LIN28B: variants seen among roughly 807,000 people sequenced by gnomAD.
LIN28B encodes the protein protein lin-28 homolog B.
LIN28B carries 5 observed loss-of-function variants against 21.9 expected under a neutral mutation model. The ratio of observed to expected loss-of-function variants is 0.23; its 90% CI spans 0.12 to 0.48. The LOEUF (loss-of-function observed/expected upper bound fraction) is 0.48, where lower values mean the gene tolerates loss of function less well. Among genes scored for constraint, LIN28B ranks in the 20% least tolerant of loss-of-function variants. The pLI is 0.98. For missense variants in LIN28B, 245 were observed against 310.5 expected (o/e 0.79, Z 1.58); for synonymous variants, 109 against 111.3 (o/e 0.98, Z 0.13).
intron 2 of LIN28B, among the ~76,000 whole-genome samples, chr6:104,967,620 A>T (rs1056958783): frequency 4.7e-5 from 7 of 149,038 alleles, no homozygotes; most frequent in Middle Eastern, 3.5e-3. Context: ...AATTTATTGA[A>T]TTTCTGTCCC....
chr6:105,045,717 CAA>C (rs1171056238), intron 3 of LIN28B: 1 of 152,190 alleles, frequency 6.6e-6, no homozygotes, highest in African/African-American at 2.4e-5. Flanking sequence ...CACACTTAGA[CAA>C]TGCTAAACCA....
chr6:105,082,073 G>A lies in LIN28B; in HGVS notation c.*3290G>A, dbSNP rs1470635166. On this transcript the variant is annotated 3_prime_UTR_variant, in exon 4 of 4. Transcript: ENST00000345080. ...AACAAGATGCATTGCCAGTCTCTTA[G>A]CCCTGTAAGCTGATCTTTTGCTACA... The A allele has an allele frequency of 6.6e-6, 1 of 152,596 alleles. No homozygotes were observed. Among genetic ancestry groups the A allele is most frequent in the Admixed American group, 6.5e-5 (1 of 15,274 alleles). 9.5% of individuals were successfully genotyped at this position (152,596 alleles called of 1,614,324 possible). A position where few individuals can be genotyped will look rare whatever the true frequency, so the allele number is the denominator to read the frequency against.
At chr6:105,030,290 C>T (rs570189781) in intron 3 of LIN28B, among the ~76,000 whole-genome samples, 1 of 152,266 alleles carries the variant, frequency 6.6e-6, no homozygotes, top group East Asian at 1.9e-4. Context: ...GGATCTTTGT[C>T]AGCTGATGGC....
chr6:105,063,041 T>C (rs1772151625), intron 3 of LIN28B, among the ~76,000 whole-genome samples: 1 of 152,176 alleles, frequency 6.6e-6, no homozygotes, highest in Admixed American at 6.5e-5. Flanking sequence ...TCCAAAAATG[T>C]TGCATGATGA....
intron 2 of LIN28B, among the ~76,000 whole-genome samples, chr6:104,946,227 A>G (rs2114546821): frequency 6.6e-6 from 1 of 152,224 alleles, no homozygotes; most frequent in East Asian, 1.9e-4. Context: ...TAATATTTTT[A>G]AACTGTAGAA....
chr6:104,992,484 T>TGTG (rs1770508091), intron 2 of LIN28B, among the ~76,000 whole-genome samples: 1 of 135,936 alleles, frequency 7.4e-6, no homozygotes, highest in African/African-American at 2.7e-5. Flanking sequence ...TAAGTTTCTG[T>TGTG]TGTGTGTGTG....
chr6:105,049,252 A>G (rs907433225), intron 3 of LIN28B, among the ~76,000 whole-genome samples: 6 of 152,194 alleles, frequency 3.9e-5, no homozygotes, highest in African/African-American at 1.2e-4. Context: ...CCTTCATTTC[A>G]TTATGTACCC....
Position 105,080,293 on chromosome 6 carries a change from G to C in LIN28B, c.*1510G>C, listed in dbSNP as rs757737464. On this transcript the variant is annotated 3_prime_UTR_variant, in exon 4 of 4. Coordinates refer to ENST00000345080, the MANE Select transcript of LIN28B (RefSeq NM_001004317.4). ...CAAGAAGGTACCAGTTAATTATAGTGCTTAATATTGGGAATAAGATTAAGC... is the reference window on the plus strand; with the variant it reads ...CAAGAAGGTACCAGTTAATTATAGTCCTTAATATTGGGAATAAGATTAAGC... 4.6e-5 allele frequency: 7 copies of C among 152,572 alleles called. No individual in the cohort carries two copies. Among genetic ancestry groups the C allele is most frequent in the Non-Finnish European group, 1.0e-4 (7 of 68,024 alleles). 9.5% of individuals were successfully genotyped at this position (152,572 alleles called of 1,614,324 possible).
chr6:104,997,983 G>A (rs928880219), intron 2 of LIN28B, among the ~76,000 whole-genome samples: 1 of 152,066 alleles, frequency 6.6e-6, no homozygotes, highest in African/African-American at 2.4e-5. Context: ...TTTCATTATT[G>A]GAAAAGCCTT....
intron 2 of LIN28B, among the ~76,000 whole-genome samples, chr6:104,965,719 T>A (rs943257596): frequency 6.6e-6 from 1 of 152,176 alleles, no homozygotes; most frequent in Non-Finnish European, 1.5e-5. Context: ...GGGTGTAAAC[T>A]GCAGCTTGGA....
chr6:105,015,692 G>A (rs1007316538), intron 2 of LIN28B, among the ~76,000 whole-genome samples: 6 of 151,966 alleles, frequency 3.9e-5, no homozygotes, highest in Non-Finnish European at 8.8e-5. Context: ...ACACATTTTT[G>A]CATTTTTAAG....
chr6:104,968,934 CT>C (rs1769918051), intron 2 of LIN28B, among the ~76,000 whole-genome samples: 1 of 152,058 alleles, frequency 6.6e-6, no homozygotes, highest in South Asian at 2.1e-4. Context: ...ATTATATCAA[CT>C]TTTCTTCCTG....
chr6:105,017,252 A>G (rs559535642), intron 2 of LIN28B, among the ~76,000 whole-genome samples: 1 of 152,206 alleles, frequency 6.6e-6, no homozygotes, highest in East Asian at 1.9e-4. Context: ...TCAGTAATGT[A>G]TAGATATTTG....
intron 3 of LIN28B, among the ~76,000 whole-genome samples, chr6:105,041,429 A>G (rs924480547): frequency 6.6e-6 from 1 of 151,826 alleles, no homozygotes; most frequent in East Asian, 1.9e-4. Flanking sequence ...ATTTATCTTC[A>G]GTCTTTATTT....
At chr6:105,002,389 G>A (rs1403332545) in intron 2 of LIN28B, among the ~76,000 whole-genome samples, 1 of 151,996 alleles carries the variant, frequency 6.6e-6, no homozygotes, top group African/African-American at 2.4e-5. Context: ...GGTTGAATAG[G>A]GTAGAGATGG....
chr6:104,976,332 G>C (rs186868367), intron 2 of LIN28B, among the ~76,000 whole-genome samples: 5 of 152,284 alleles, frequency 3.3e-5, no homozygotes, highest in Admixed American at 1.3e-4. Context: ...GGTGAGAAAG[G>C]CTTCTTTGGG....
rs1396088041 is a variant in LIN28B, at chr6:105,078,938, A to G, written c.*155A>G. On this transcript the variant is annotated 3_prime_UTR_variant, in exon 4 of 4. Transcript: ENST00000345080. The stretch of plus-strand genomic sequence containing the variant: ...TTAAACAGACAAATCACTCTAAGCA[A>G]ATTACATTTGAGCAGGGTGTCATGT... 1 of 773,324 alleles carries G rather than the reference A, an allele frequency of 1.3e-6. No individual in the cohort carries two copies. Among genetic ancestry groups the G allele is most frequent in the Non-Finnish European group, 2.0e-6 (1 of 493,072 alleles). 47.9% of individuals were successfully genotyped at this position (773,324 alleles called of 1,614,324 possible).
chr6:104,978,254 G>T (rs1770144729), intron 2 of LIN28B, among the ~76,000 whole-genome samples: 1 of 152,176 alleles, frequency 6.6e-6, no homozygotes, highest in Non-Finnish European at 1.5e-5. Flanking sequence ...GTTCATTGGA[G>T]GGGAAGGATC....
At chr6:104,977,164 A>G (rs1770115760) in intron 2 of LIN28B, among the ~76,000 whole-genome samples, 1 of 151,940 alleles carries the variant, frequency 6.6e-6, no homozygotes, top group Non-Finnish European at 1.5e-5. Context: ...GAGTGAATCC[A>G]CTTTTAAAAT....
Sources: allele counts gnomAD v4.1 joint callset (sites outside exome capture counted in the v4.1 genomes callset), GRCh38; gene constraint gnomAD v4.1.1; transcripts MANE v1.5; gene names NCBI Gene and HGNC (gene_info 2026-07-23, HGNC 2026-07-21).